Variants in MUC4 observed in about 807,000 individuals in gnomAD.
MUC4 encodes mucin 4, cell surface associated.
A neutral mutation model predicts 257.9 loss-of-function variants in MUC4; 202 were observed. That is an observed-to-expected ratio of 0.78 (90% CI 0.70 to 0.88). The LOEUF (loss-of-function observed/expected upper bound fraction) is 0.88. Among genes scored for constraint, MUC4 ranks in the 40% least tolerant of loss-of-function variants. MUC4 has a pLI of 0.00. For synonymous variants in MUC4, 2,351 were observed against 2,757.1 expected (o/e 0.85, Z 4.62); for missense variants, 5,976 against 6,513.7 (o/e 0.92, Z 2.84).
At chr3:195,763,049 G>C (rs757076566) in intron 12 of MUC4, 104 bp from the exon 13 acceptor site, 1 of 1,000,428 alleles carries the variant, frequency 1.0e-6, no homozygotes, top group Non-Finnish European at 1.5e-6. Context: ...GCCCTGGGCC[G>C]GGAGGAAGGC....
In MUC4 at chr3:195,785,086, T is replaced by A. The variant is rs756972443; in HGVS notation, c.6494A>T (p.Asp2165Val). The change falls in exon 2 of 25, where the codon GAC (aspartate) becomes GTC (valine). Residue 2165 changes from aspartate (D) to valine (V), a missense_variant. Physicochemically the swap from Asp to Val is radical, Grantham distance 152. Transcript: ENST00000463781. ...TGHATSLPVTDTSSASTGHAT... is the reference protein window; with the variant it reads ...TGHATSLPVTVTSSASTGHAT... Reference sequence around the variant, plus strand: ...GTGACCTGTGGATGCTGAGGAAGTGTCGGTGACAGGAAGAGAGGTGGCGTG... The same window carrying A: ...GTGACCTGTGGATGCTGAGGAAGTGACGGTGACAGGAAGAGAGGTGGCGTG... 6.5e-5 allele frequency: 91 copies of A among 1,405,502 alleles called. No individual in the cohort carries two copies. The African/African-American group carries it at 1.5e-3, about 23-fold the overall frequency. The allele number at this position is 1,405,502 out of a possible 1,614,324, so 87.1% of individuals were successfully genotyped here. A position where few individuals can be genotyped will look rare whatever the true frequency, so the allele number is the denominator to read the frequency against.
rs1413370841 is a variant in MUC4, at chr3:195,791,311, G to GTTTGAGCT, written c.261_268dup (p.Thr90LysfsTer10). 8 of 1,613,684 alleles carry GTTTGAGCT rather than the reference G, an allele frequency of 5.0e-6. No homozygotes were observed. In the Admixed American group the frequency reaches 1.3e-4, roughly 27 times the overall value. On this transcript the variant is annotated frameshift_variant, in exon 2 of 25. Transcript: ENST00000463781. LOFTEE classifies it high-confidence loss of function. ...TGTCATCATCTGCGTGAGGGTGTCG[G>GTTTGAGCT]TTTGAGCTTTGCTGGTGGTCTCCGT...
At position 195,790,786 on chromosome 3, in the gene MUC4, G is replaced by A; in HGVS notation, c.794C>T (p.Thr265Ile). ...NTSMMTSEKI[T>I]VTTSTGSTLG... ...AGTGGAGCCTGTGGAGGTTGTCACT[G>A]TTATCTTCTCTGATGTCATCATGGA... The change falls in exon 2 of 25, where the codon ACA (threonine) becomes ATA (isoleucine). Residue 265 changes from threonine (T) to isoleucine (I), a missense_variant. Thr to Ile is a moderately conservative substitution (Grantham distance 89). This residue lies in a region of MUC4 where 1,583 missense variants were observed against 1,257.4 expected (regional missense o/e 1.26). Coordinates refer to ENST00000463781, the MANE Select transcript of MUC4 (RefSeq NM_018406.7). 6 of 1,613,958 alleles carry A rather than the reference G, an allele frequency of 3.7e-6. No homozygotes were observed. Among genetic ancestry groups the A allele is most frequent in the Non-Finnish European group, 5.1e-6 (6 of 1,179,890 alleles).
intron 1 of MUC4, among the ~76,000 whole-genome samples, chr3:195,811,029 TTC>T (rs1018315791): frequency 2.6e-5 from 4 of 152,050 alleles, no homozygotes; most frequent in African/African-American, 9.7e-5. Flanking sequence ...CTGTTCTCTT[TTC>T]TCTCTCTTTC....
chr3:195,761,104 C>G lies in MUC4; in HGVS notation c.14628G>C (p.Gly4876=), dbSNP rs1718793833. 6.2e-7 allele frequency: 1 copy of G among 1,614,050 alleles called. No homozygotes were observed. ...FHFGMTWQIN[G]TGLLGKRNDQ... ...CATTCCTCTTGCCAAGGAGGCCTGT[C>G]CCGTTGATCTGCCCTGTAACACACA... Residue 4876 remains glycine (G), a synonymous_variant, in exon 16 of 25, where the codon GGG becomes GGC. Transcript: ENST00000463781.
At chr3:195,791,663 CA>C (rs1243191500) in intron 1 of MUC4, among the ~76,000 whole-genome samples, 166 bp from the exon 2 acceptor site, 1 of 152,070 alleles carries the variant, frequency 6.6e-6, no homozygotes, top group Non-Finnish European at 1.5e-5. Flanking sequence ...CATATGGAAT[CA>C]AAAAAGAACC....
At position 195,782,758 on chromosome 3, in the gene MUC4, T is replaced by C. The variant is rs1728891833; in HGVS notation, c.8822A>G (p.Asp2941Gly). The change falls in exon 2 of 25, where the codon GAC (aspartate) becomes GGC (glycine). Residue 2941 changes from aspartate (D) to glycine (G), a missense_variant. Coordinates refer to ENST00000463781, the MANE Select transcript of MUC4 (RefSeq NM_018406.7). ...VTSLSSVSTG[D>G]TTPLPVTDTS... ...GTCGGTGACAGGAAGAGGGGTGGTGTCACCTGTGGATACTGAGGAAAGGCT... is the reference window on the plus strand; with the variant it reads ...GTCGGTGACAGGAAGAGGGGTGGTGCCACCTGTGGATACTGAGGAAAGGCT... 7 of 1,521,302 alleles carry C rather than the reference T, an allele frequency of 4.6e-6. No individual in the cohort carries two copies. Among genetic ancestry groups the C allele is most frequent in the Non-Finnish European group, 6.2e-6 (7 of 1,130,572 alleles). The allele number at this position is 1,521,302 out of a possible 1,614,324, so 94.2% of individuals were successfully genotyped here. A position where few individuals can be genotyped will look rare whatever the true frequency, so the allele number is the denominator to read the frequency against.
chr3:195,765,216 C>T lies in MUC4; in HGVS notation c.13798+54G>A, dbSNP rs544156104. On this transcript the variant is annotated intron_variant, in intron 9 of 24. Coordinates refer to ENST00000463781, the MANE Select transcript of MUC4 (RefSeq NM_018406.7). ...GCTGTTTCTGGGGAGAGGCTGAGGG[C>T]GTGAGCAGAGAGGGTGGTGGGTGGG... The T allele has an allele frequency of 1.2e-4, 186 of 1,568,348 alleles. 1 individual carries two copies. In the African/African-American group the frequency reaches 2.1e-3, roughly 17 times the overall value.
intron 6 of MUC4, 177 bp from the exon 7 acceptor site, chr3:195,769,329 C>A (rs112082024): frequency 2.3e-6 from 2 of 866,330 alleles, no homozygotes; most frequent in African/African-American, 3.4e-5. Flanking sequence ...GTGAGGGCAG[C>A]TTTCACCCTG....
In MUC4 at chr3:195,791,104, G is replaced by A; in HGVS notation, c.476C>T (p.Thr159Ile). The change falls in exon 2 of 25, where the codon ACT becomes ATT. Residue 159 changes from threonine (T) to isoleucine (I), a missense_variant. Physicochemically the swap from Thr to Ile is moderately conservative, Grantham distance 89 (BLOSUM62 -1). Transcript: ENST00000463781. ...GNTEETSTAG[T>I]ESSTPVTSAV... ...TGAGGTCACTGGGGTAGAACTTTCAGTTCCTGCTGTTGATGTCTCTTCTGT... is the reference window on the plus strand; with the variant it reads ...TGAGGTCACTGGGGTAGAACTTTCAATTCCTGCTGTTGATGTCTCTTCTGT... The A allele has an allele frequency of 6.2e-7, 1 of 1,613,568 alleles. No individual in the cohort carries two copies. Among genetic ancestry groups the A allele is most frequent in the Middle Eastern group, 1.7e-4 (1 of 6,058 alleles).
chr3:195,800,312 G>A (rs1459403515), intron 1 of MUC4, among the ~76,000 whole-genome samples: 1 of 152,060 alleles, frequency 6.6e-6, no homozygotes, highest in Admixed American at 6.6e-5. Flanking sequence ...ACAGGGCTGT[G>A]TCCTGGTAGT....
At chr3:195,772,816 A>G (rs1246652430) in intron 4 of MUC4, among the ~76,000 whole-genome samples, 529 of 99,962 alleles carry the variant, frequency 5.3e-3, no homozygotes, top group African/African-American at 0.012. Context: ...TCAGGGGTGT[A>G]GACACCCTCT....
At position 195,785,875 on chromosome 3, in the gene MUC4, G is replaced by T; in HGVS notation, c.5705C>A (p.Thr1902Asn). The T allele has an allele frequency of 2.1e-5, 32 of 1,493,392 alleles. No homozygotes were observed. Among genetic ancestry groups the T allele is most frequent in the Non-Finnish European group, 2.9e-5 (32 of 1,110,114 alleles). 92.5% of individuals were successfully genotyped at this position (1,493,392 alleles called of 1,614,324 possible). ...AGCGTCGGTGACATGAAGAGGGGTG[G>T]TGTCACCTGTGGATGCTGAGTTAGT... The part of the protein sequence containing the change: ...TDTNSASTGD[T>N]TPLHVTDASS... Residue 1902 changes from threonine (T) to asparagine (N), a missense_variant, in exon 2 of 25, where the codon ACC (threonine) becomes AAC (asparagine). Around this residue, in one of 44 missense-constraint regions of MUC4, gnomAD observed 87 missense variants for 104.6 expected, o/e 0.83. Transcript: ENST00000463781.
At chr3:195,756,559 T>C (rs1717686403) in intron 18 of MUC4, among the ~76,000 whole-genome samples, 1 of 152,022 alleles carries the variant, frequency 6.6e-6, no homozygotes, top group Non-Finnish European at 1.5e-5. Flanking sequence ...TTTTCTCCAA[T>C]ATAGTTTCTT....
rs748083380 is a variant in MUC4 at position 195,778,380 on chromosome 3, G to A, written c.12866C>T (p.Thr4289Ile). 3 of 1,613,282 alleles carry A rather than the reference G, an allele frequency of 1.9e-6. No homozygotes were observed. The highest frequency in any genetic ancestry group is 2.2e-5 in the South Asian group (2 of 91,072). The change falls in exon 3 of 25, where the codon ACC becomes ATC. Residue 4289 changes from threonine (T) to isoleucine (I), a missense_variant. Around this residue, in one of 44 missense-constraint regions of MUC4, gnomAD observed 233 missense variants for 171.2 expected, o/e 1.36. Coordinates refer to ENST00000463781, the MANE Select transcript of MUC4 (RefSeq NM_018406.7). ...ATSPPPTTSQ[T>I]IISTIPSTAM... ...AGTGCTGGGAATGGTGGAAATGATGGTCTGGGAGGTTGTGGGGGGTGGTGA... is the reference window on the plus strand; with the variant it reads ...AGTGCTGGGAATGGTGGAAATGATGATCTGGGAGGTTGTGGGGGGTGGTGA...
Position 195,788,820 on chromosome 3 carries a change from G to A in MUC4, c.2760C>T (p.Asp920=). The A allele has an allele frequency of 2.5e-6, 4 of 1,613,926 alleles. No homozygotes were observed. The South Asian group carries it at 3.3e-5, about 13-fold the overall frequency. ...TQRTRTSRGS[D]TISLASQATD... ...TTGCCTGGGACGCCAGGCTGATAGT[G>A]TCAGACCCTCTGCTGGTTCTTGTCC... The change falls in exon 2 of 25, where the codon GAC becomes GAT. Residue 920 remains aspartate (D), a synonymous_variant. Coordinates refer to ENST00000463781, the MANE Select transcript of MUC4 (RefSeq NM_018406.7).
chr3:195,767,528 TCGC>T (rs1720987330), intron 7 of MUC4, among the ~76,000 whole-genome samples: 6 of 28,142 alleles, frequency 2.1e-4, no homozygotes, highest in South Asian at 1.4e-3. Context: ...ACCACCACCA[TCGC>T]CACCACCATC....
chr3:195,762,294 C>T (rs1314961571), intron 13 of MUC4, 40 bp from the exon 14 acceptor site: 4 of 1,532,278 alleles, frequency 2.6e-6, no homozygotes, highest in Non-Finnish European at 3.5e-6. Context: ...GCCAGGTCGG[C>T]ACCACGGCCC....
In MUC4 at chr3:195,747,376, C is replaced by T. The variant is rs1305407754; in HGVS notation, c.16039G>A (p.Val5347Met). 2 of 1,613,640 alleles carry T rather than the reference C, an allele frequency of 1.2e-6. No individual in the cohort carries two copies. The highest frequency in any genetic ancestry group is 8.5e-7 in the Non-Finnish European group (1 of 1,179,762). Residue 5347 changes from valine (V) to methionine (M), a missense_variant, in exon 25 of 25, where the codon GTG (valine) becomes ATG (methionine). Physicochemically the swap from Val to Met is conservative, Grantham distance 21. Transcript: ENST00000463781. The stretch of plus-strand genomic sequence containing the variant: ...CAGGCCGTGTAGATGGAGAAGGACA[C>T]ACAGCTGGTGACCAAGAGAGACAGA... Reference protein sequence around the residue: ...HLPSGPRCSCVSFSIYTAWGE... With the variant: ...HLPSGPRCSCMSFSIYTAWGE...
Sources: allele counts gnomAD v4.1 joint callset (sites outside exome capture counted in the v4.1 genomes callset), GRCh38; gene constraint gnomAD v4.1.1; regional missense constraint gnomAD v4.1.1; transcripts MANE v1.5; gene names NCBI Gene and HGNC (gene_info 2026-07-23, HGNC 2026-07-21).